PLCH1: variants seen among roughly 807,000 people sequenced by gnomAD.
PLCH1 encodes 1-phosphatidylinositol 4,5-bisphosphate phosphodiesterase eta-1.
Under a neutral mutation model 126.7 loss-of-function variants are expected in PLCH1, and 60 were observed. The observed-to-expected ratio is 0.47, with a 90% CI of 0.38 to 0.59. The LOEUF (loss-of-function observed/expected upper bound fraction) is 0.59. PLCH1 is among the 20% of genes least tolerant of loss of function. The pLI, the probability that PLCH1 is intolerant of heterozygous loss-of-function variation, is 0.00. For synonymous variants in PLCH1, 719 were observed against 734.9 expected (o/e 0.98, Z 0.35); for missense variants, 1,723 against 2,040.0 (o/e 0.84, Z 2.99).
intron 2 of PLCH1, among the ~76,000 whole-genome samples, chr3:155,679,572 C>G (rs2109010915): frequency 6.6e-6 from 1 of 152,308 alleles, no homozygotes; most frequent in Non-Finnish European, 1.5e-5. Flanking sequence ...ACAACCCTCC[C>G]CCCACACCCC....
At chr3:155,543,065 AG>A in intron 10 of PLCH1, among the ~76,000 whole-genome samples, 1 of 152,348 alleles carries the variant, frequency 6.6e-6, no homozygotes, top group South Asian at 2.1e-4. Flanking sequence ...TGAGAGAACA[AG>A]GCTTCAGATG....
chr3:155,672,771 C>A (rs991826193), intron 2 of PLCH1, among the ~76,000 whole-genome samples: 5 of 152,166 alleles, frequency 3.3e-5, no homozygotes, highest in African/African-American at 1.2e-4. Context: ...CAAGTGTATG[C>A]AGAAAAAGCA....
chr3:155,629,915 C>T lies in PLCH1; in HGVS notation c.80-33537G>A, dbSNP rs1025398665. Among the ~76,000 whole-genome samples, 7 of 152,184 alleles carry T rather than the reference C, an allele frequency of 4.6e-5. No individual in the cohort carries two copies. The South Asian group carries it at 1.0e-3, about 22-fold the overall frequency. On this transcript the variant is annotated intron_variant, in intron 2 of 22. Transcript: ENST00000460012. ...GCTTCTCAGCTATGTGTATGCCTTACTCCTTTTTTATATTCAGGTGAAGAT... is the reference window on the plus strand; with the variant it reads ...GCTTCTCAGCTATGTGTATGCCTTATTCCTTTTTTATATTCAGGTGAAGAT...
chr3:155,613,515 T>C lies in PLCH1; in HGVS notation c.80-17137A>G, dbSNP rs185141592. The stretch of plus-strand genomic sequence containing the variant: ...ACTTTAACACACACAAGTCAATAAA[T>C]ATGTTACACCACATGAACAGAACTA... On this transcript the variant is annotated intron_variant, in intron 2 of 22. Coordinates refer to ENST00000460012, the MANE Select transcript of PLCH1 (RefSeq NM_014996.4). Among the ~76,000 whole-genome samples the C allele has an allele frequency of 2.0e-3, 308 of 152,272 alleles. 2 individuals are homozygous for C. Among genetic ancestry groups the C allele is most frequent in the Non-Finnish European group, 3.5e-3 (235 of 68,010 alleles).
Position 155,554,342 on chromosome 3 carries a change from G to A in PLCH1, c.1070-146C>T, listed in dbSNP as rs117409194. 2.3e-3 allele frequency: 1,627 copies of A among 702,930 alleles called. 32 individuals carry two copies. In the East Asian group the frequency reaches 0.04, roughly 17 times the overall value. The allele number at this position is 702,930 out of a possible 1,614,324, so 43.5% of individuals were successfully genotyped here. On this transcript the variant is annotated intron_variant, in intron 8 of 22. Transcript: ENST00000460012. The stretch of plus-strand genomic sequence containing the variant: ...AAGACGTGACACAGACACAGAAATC[G>A]GTGTTCTGGCATATTTATCAGAACA...
At chr3:155,582,583 A>G (rs1730858574) in intron 6 of PLCH1, among the ~76,000 whole-genome samples, 1 of 152,148 alleles carries the variant, frequency 6.6e-6, no homozygotes, top group East Asian at 1.9e-4. Flanking sequence ...ATATAGTCCA[A>G]ATATTTGATG....
At chr3:155,558,767 G>A (rs1372160171) in intron 8 of PLCH1, among the ~76,000 whole-genome samples, 1 of 151,936 alleles carries the variant, frequency 6.6e-6, no homozygotes, top group East Asian at 1.9e-4. Context: ...TATTTTCGGG[G>A]TGCAGCTGAC....
intron 2 of PLCH1, among the ~76,000 whole-genome samples, chr3:155,626,642 G>A (rs897159269): frequency 7.3e-5 from 11 of 151,592 alleles, no homozygotes; most frequent in Non-Finnish European, 1.5e-4. Context: ...GGTGGTGGGC[G>A]CCTGTAGTCC....
At chr3:155,560,761 C>CT (rs1290719350) in intron 8 of PLCH1, among the ~76,000 whole-genome samples, 1 of 152,148 alleles carries the variant, frequency 6.6e-6, no homozygotes, top group African/African-American at 2.4e-5. Context: ...AGTCATCCCA[C>CT]TGCTGACTCC....
chr3:155,484,885 T>G (rs1714793293), intron 22 of PLCH1, among the ~76,000 whole-genome samples: 1 of 152,154 alleles, frequency 6.6e-6, no homozygotes, highest in Non-Finnish European at 1.5e-5. Flanking sequence ...AGCCACATCT[T>G]GAGAAAAAAG....
intron 1 of PLCH1, among the ~76,000 whole-genome samples, chr3:155,730,396 C>A (rs1440846059): frequency 6.6e-6 from 1 of 151,946 alleles, no homozygotes; most frequent in Admixed American, 6.6e-5. Context: ...ATTCTCATGT[C>A]TCAGCCTCCC....
intron 8 of PLCH1, among the ~76,000 whole-genome samples, chr3:155,559,953 T>C (rs1454150833): frequency 6.6e-6 from 1 of 152,196 alleles, no homozygotes; most frequent in Admixed American, 6.5e-5. Context: ...ATAACTTTCC[T>C]TCTTAATACC....
chr3:155,601,100 G>A (rs917161323), intron 2 of PLCH1, among the ~76,000 whole-genome samples: 9 of 151,890 alleles, frequency 5.9e-5, no homozygotes, highest in African/African-American at 9.7e-5. Flanking sequence ...TCAGCCTCCC[G>A]AGTAGCTGGG....
chr3:155,601,443 T>G (rs1220935150), intron 2 of PLCH1, among the ~76,000 whole-genome samples: 1 of 152,080 alleles, frequency 6.6e-6, no homozygotes, highest in Non-Finnish European at 1.5e-5. Context: ...AACATATTAA[T>G]ATCATTTATG....
At chr3:155,559,437 A>C (rs1727285871) in intron 8 of PLCH1, among the ~76,000 whole-genome samples, 2 of 152,174 alleles carry the variant, frequency 1.3e-5, no homozygotes, top group African/African-American at 4.8e-5. Context: ...TAGGTCAAAC[A>C]CACAAAAACA....
intron 18 of PLCH1, among the ~76,000 whole-genome samples, chr3:155,491,261 T>G (rs893431895): frequency 6.6e-6 from 1 of 152,142 alleles, no homozygotes; most frequent in Non-Finnish European, 1.5e-5. Flanking sequence ...ACGTTTTTTG[T>G]TTTTTGTTAT....
chr3:155,482,800 G>A lies in PLCH1; in HGVS notation c.3226C>T (p.Leu1076Phe). 1 of 1,614,158 alleles carries A rather than the reference G, an allele frequency of 6.2e-7. No homozygotes were observed. The highest frequency in any genetic ancestry group is 8.5e-7 in the Non-Finnish European group (1 of 1,180,032). ...CQENPCPSKSLSPKQHLAPDP... is the reference protein window; with the variant it reads ...CQENPCPSKSFSPKQHLAPDP... The stretch of plus-strand genomic sequence containing the variant: ...GGAGCCAAATGCTGCTTTGGGGAGA[G>A]AGACTTGCTGGGACAGGGGTTTTCC... The change falls in exon 23 of 23, where the codon CTC becomes TTC. Residue 1076 changes from leucine to phenylalanine, a missense_variant. By Grantham distance (22) the Leu-to-Phe change is conservative (BLOSUM62 0). Transcript: ENST00000460012.
downstream of PLCH1, among the ~76,000 whole-genome samples, chr3:155,477,779 C>T (rs547591572): frequency 7.9e-5 from 12 of 152,156 alleles, no homozygotes; most frequent in African/African-American, 2.9e-4. Context: ...GAAAAGGGAA[C>T]CATTGTACAC....
chr3:155,707,891 C>T (rs1180426466), intron 1 of PLCH1, among the ~76,000 whole-genome samples: 1 of 152,094 alleles, frequency 6.6e-6, no homozygotes, highest in African/African-American at 2.4e-5. Context: ...ACATCAATGG[C>T]CCAGGCTTTC....
Sources: allele counts gnomAD v4.1 joint callset (sites outside exome capture counted in the v4.1 genomes callset), GRCh38; gene constraint gnomAD v4.1.1; transcripts MANE v1.5; gene names NCBI Gene and HGNC (gene_info 2026-07-23, HGNC 2026-07-21).